INPP4A: variants seen among roughly 807,000 people sequenced by gnomAD.
The protein encoded by INPP4A is inositol polyphosphate-4-phosphatase type I A.
Under a neutral mutation model 119.8 loss-of-function variants are expected in INPP4A, and 33 were observed. The observed-to-expected ratio is 0.28, with a 90% CI of 0.21 to 0.37. The LOEUF (loss-of-function observed/expected upper bound fraction) is 0.37. Among genes scored for constraint, INPP4A ranks in the 10% least tolerant of loss-of-function variants. The pLI is 1.00. For missense variants in INPP4A, 956 were observed against 1,289.9 expected (o/e 0.74, Z 3.97); for synonymous variants, 496 against 500.7 (o/e 0.99, Z 0.12).
chr2:98,565,589 G>C, intron 19 of INPP4A, 51 bp from the exon 20 acceptor site: 1 of 1,560,232 alleles, frequency 6.4e-7, no homozygotes, highest in Admixed American at 1.9e-5. Context: ...TGAGACTGGG[G>C]AGAGTAGCAG....
chr2:98,466,565 G>A (rs1222263550), intron 1 of INPP4A, among the ~76,000 whole-genome samples: 5 of 152,214 alleles, frequency 3.3e-5, no homozygotes, highest in East Asian at 1.9e-4. Context: ...CATTTTACCC[G>A]TGAGAGAATT....
intron 4 of INPP4A, among the ~76,000 whole-genome samples, chr2:98,532,518 A>G (rs1441392279): frequency 6.6e-6 from 1 of 152,212 alleles, no homozygotes; most frequent in African/African-American, 2.4e-5. Context: ...GTTCTGTCAA[A>G]TGTGTCATTA....
chr2:98,467,016 G>A (rs1276598405), intron 1 of INPP4A, among the ~76,000 whole-genome samples: 1 of 152,256 alleles, frequency 6.6e-6, no homozygotes, highest in Non-Finnish European at 1.5e-5. Flanking sequence ...TGGCTGGAAG[G>A]TTCAAGACTG....
rs1358073425 is a variant in INPP4A, at chr2:98,593,811, T to A, written c.*6203T>A. On this transcript the variant is annotated 3_prime_UTR_variant, in exon 25 of 25. Transcript: ENST00000409851. ...CACCCCAAGGCCTGGTCTGTATCAG[T>A]CCCCTCGGATCTGGACCTCTCCTGA... The A allele has an allele frequency of 1.3e-5, 2 of 152,214 alleles. No homozygotes were observed. The highest frequency in any genetic ancestry group is 4.8e-5 in the African/African-American group (2 of 41,420). The allele number at this position is 152,214 out of a possible 1,614,324, so 9.4% of individuals were successfully genotyped here. A position where few individuals can be genotyped will look rare whatever the true frequency, so the allele number is the denominator to read the frequency against.
chr2:98,548,831 G>T, intron 13 of INPP4A: 2 of 851,148 alleles, frequency 2.3e-6, no homozygotes, highest in Non-Finnish European at 1.9e-6. Flanking sequence ...CCTGTAGTTG[G>T]GACCTCAACA....
In INPP4A at chr2:98,590,485, C is replaced by T. The variant is rs936271787; in HGVS notation, c.*2877C>T. The T allele has an allele frequency of 9.4e-5, 18 of 191,806 alleles. No homozygotes were observed. The highest frequency in any genetic ancestry group is 4.7e-5 in the African/African-American group (2 of 43,004). The allele number at this position is 191,806 out of a possible 1,614,324, so 11.9% of individuals were successfully genotyped here. Reference sequence around the variant, plus strand: ...CTCATGTGCAAAGTGTGGACAACAACAGTACCTTCCTCATAAGGAACGTGC... The same window carrying T: ...CTCATGTGCAAAGTGTGGACAACAATAGTACCTTCCTCATAAGGAACGTGC... On this transcript the variant is annotated 3_prime_UTR_variant, in exon 25 of 25. Coordinates refer to ENST00000409851, the MANE Select transcript of INPP4A (RefSeq NM_001134225.2).
rs1402137122 is a variant in INPP4A at position 98,470,856 on chromosome 2, C to T, written c.-166+25771C>T. ...CTAATTTTTGTATTTTTAGTAGAGA[C>T]GGGGTTTCACCATGTTAGCCAGGCT... is the stretch of plus-strand genomic sequence containing the variant. On this transcript the variant is annotated intron_variant, in intron 1 of 24. Transcript: ENST00000409851. Among the ~76,000 whole-genome samples, 7 of 152,070 alleles carry T rather than the reference C, an allele frequency of 4.6e-5. No individual in the cohort carries two copies. In the South Asian group the frequency reaches 8.3e-4, roughly 18 times the overall value.
chr2:98,563,382 G>A, intron 17 of INPP4A, 83 bp from the exon 18 acceptor site: 2 of 1,299,440 alleles, frequency 1.5e-6, no homozygotes, highest in Non-Finnish European at 2.2e-6. Flanking sequence ...CAGTGGTTAG[G>A]GGCCAGGTGA....
chr2:98,450,171 C>A (rs148882259), intron 1 of INPP4A, among the ~76,000 whole-genome samples: 8 of 152,240 alleles, frequency 5.3e-5, no homozygotes, highest in Admixed American at 4.6e-4. Context: ...CCAGGCCTCC[C>A]TGGACATCCT....
intron 1 of INPP4A, among the ~76,000 whole-genome samples, chr2:98,499,758 A>G (rs1682741048): frequency 1.3e-5 from 2 of 152,268 alleles, no homozygotes; most frequent in Non-Finnish European, 2.9e-5. Flanking sequence ...TCTTATCTTC[A>G]CACATAAAGT....
In INPP4A at chr2:98,546,491, A is replaced by T; in HGVS notation, c.1055-95A>T. The T allele has an allele frequency of 1.2e-6, 1 of 802,682 alleles. No individual in the cohort carries two copies. The highest frequency in any genetic ancestry group is 2.1e-6 in the Non-Finnish European group (1 of 487,178). The allele number at this position is 802,682 out of a possible 1,614,324, so 49.7% of individuals were successfully genotyped here. On this transcript the variant is annotated intron_variant, in intron 12 of 24. Coordinates refer to ENST00000409851, the MANE Select transcript of INPP4A (RefSeq NM_001134225.2). The surrounding 1 kb of genome is among the most constrained non-coding windows in gnomAD (Gnocchi z 4.2). ...CAAAGGCTGTACAGCAGTGGGCTGG[A>T]GGGTCAGGACCCCAGACTTGTGTGC...
chr2:98,536,847 A>G lies in INPP4A; in HGVS notation c.467+639A>G, dbSNP rs562863798. On this transcript the variant is annotated intron_variant, in intron 7 of 24. Coordinates refer to ENST00000409851, the MANE Select transcript of INPP4A (RefSeq NM_001134225.2). ...AGTATTGAGACATTCTGAAGCTACTATAAGTAAAGACAGTATTGCAGGCAT... is the reference window on the plus strand; with the variant it reads ...AGTATTGAGACATTCTGAAGCTACTGTAAGTAAAGACAGTATTGCAGGCAT... Among the ~76,000 whole-genome samples the G allele has an allele frequency of 7.2e-5, 11 of 152,356 alleles. No homozygotes were observed. In the East Asian group the frequency reaches 1.9e-3, roughly 27 times the overall value.
chr2:98,467,352 C>T (rs982886047), intron 1 of INPP4A, among the ~76,000 whole-genome samples: 3 of 152,208 alleles, frequency 2.0e-5, no homozygotes, highest in Non-Finnish European at 4.4e-5. Flanking sequence ...AAACATTGTC[C>T]TCTTGTGCCT....
intron 4 of INPP4A, among the ~76,000 whole-genome samples, chr2:98,527,476 G>A (rs1688396573): frequency 6.6e-6 from 1 of 152,184 alleles, no homozygotes; most frequent in South Asian, 2.1e-4. Flanking sequence ...GGAAAGCTGG[G>A]GAATGAGATA....
At chr2:98,567,048 C>A (rs890252181) in intron 21 of INPP4A, among the ~76,000 whole-genome samples, 2 of 152,168 alleles carry the variant, frequency 1.3e-5, no homozygotes, top group African/African-American at 2.4e-5. Context: ...AATATGGTAT[C>A]ATTGCTGGGA....
intron 24 of INPP4A, among the ~76,000 whole-genome samples, chr2:98,587,118 A>G (rs898030351): frequency 1.3e-5 from 2 of 152,234 alleles, no homozygotes; most frequent in African/African-American, 2.4e-5. Flanking sequence ...TTCTTTTTCC[A>G]CTTCATTTGC....
intron 1 of INPP4A, among the ~76,000 whole-genome samples, chr2:98,477,529 C>T (rs1411515238): frequency 1.3e-5 from 2 of 152,252 alleles, no homozygotes; most frequent in African/African-American, 2.4e-5. Flanking sequence ...GAACCAGAGC[C>T]TCAATGTCGG....
intron 1 of INPP4A, among the ~76,000 whole-genome samples, chr2:98,485,432 A>G (rs778943649): frequency 1.3e-5 from 2 of 151,898 alleles, no homozygotes; most frequent in East Asian, 1.9e-4. Context: ...CCCTCTCTAT[A>G]TTTTCCAAGC....
intron 15 of INPP4A, among the ~76,000 whole-genome samples, chr2:98,555,109 C>A (rs1212646504): frequency 6.6e-6 from 1 of 152,218 alleles, no homozygotes; most frequent in African/African-American, 2.4e-5. Flanking sequence ...ATACACTGTG[C>A]GTGTTTCTGC....
Sources: allele counts gnomAD v4.1 joint callset (sites outside exome capture counted in the v4.1 genomes callset), GRCh38; gene constraint gnomAD v4.1.1; non-coding constraint Gnocchi (gnomAD v3.1); transcripts MANE v1.5; gene names NCBI Gene and HGNC (gene_info 2026-07-23, HGNC 2026-07-21).